UBASH3B: variants seen among roughly 807,000 people sequenced by gnomAD.
UBASH3B encodes the protein ubiquitin-associated and SH3 domain-containing protein B.
UBASH3B carries 37 observed loss-of-function variants against 83.4 expected under a neutral mutation model. The ratio of observed to expected loss-of-function variants is 0.44; its 90% CI spans 0.34 to 0.58. The LOEUF (loss-of-function observed/expected upper bound fraction) is 0.58, where lower values mean the gene tolerates loss of function less well. Ranked by LOEUF, UBASH3B falls within the 20% of genes least tolerant of loss-of-function variation. UBASH3B has a pLI of 0.01. For missense variants in UBASH3B, 657 were observed against 827.2 expected (o/e 0.79, Z 2.52); for synonymous variants, 304 against 318.3 (o/e 0.96, Z 0.48).
chr11:122,745,840 C>A (rs892849595), intron 1 of UBASH3B, among the ~76,000 whole-genome samples: 3 of 152,210 alleles, frequency 2.0e-5, no homozygotes, highest in Non-Finnish European at 4.4e-5. Context: ...CCTTCTGGGG[C>A]AGAGGTCATC....
intron 1 of UBASH3B, among the ~76,000 whole-genome samples, chr11:122,769,274 AAG>A (rs1437958007): frequency 6.6e-6 from 1 of 152,158 alleles, no homozygotes; most frequent in Non-Finnish European, 1.5e-5. Context: ...CGTGAAAACA[AAG>A]AGTGAGAACT....
chr11:122,740,072 A>G, intron 1 of UBASH3B, among the ~76,000 whole-genome samples: 1 of 152,018 alleles, frequency 6.6e-6, no homozygotes, highest in East Asian at 1.9e-4. Flanking sequence ...CCATTTTGTC[A>G]TATTCATTTA....
Position 122,788,707 on chromosome 11 carries a change from T to C in UBASH3B, c.772-393T>C, listed in dbSNP as rs531232541. ...CCCCGTATGGAAGACTGGCTTTCCA[T>C]GAGCTGGGTTTCAGGTGTCTATCAT... On this transcript the variant is annotated intron_variant, in intron 5 of 13. Transcript: ENST00000284273. Among the ~76,000 whole-genome samples, 159 of 152,240 alleles carry C rather than the reference T, an allele frequency of 1.0e-3. 1 individual carries two copies. The highest frequency in any genetic ancestry group is 9.7e-4 in the Non-Finnish European group (66 of 68,012).
chr11:122,723,178 A>T (rs1031405651), intron 1 of UBASH3B, among the ~76,000 whole-genome samples: 3 of 150,834 alleles, frequency 2.0e-5, no homozygotes, highest in African/African-American at 4.9e-5. Flanking sequence ...ATCTGTAATT[A>T]AAAAAAAAAT....
chr11:122,696,736 G>C (rs577043499), intron 1 of UBASH3B, among the ~76,000 whole-genome samples: 1 of 152,342 alleles, frequency 6.6e-6, no homozygotes, highest in African/African-American at 2.4e-5. Flanking sequence ...CATCAGAGCA[G>C]AATTGCAGGT....
chr11:122,794,817 A>T lies in UBASH3B; in HGVS notation c.1096A>T (p.Ile366Phe), dbSNP rs1174153714. The change falls in exon 7 of 14, where the codon ATC becomes TTC. Residue 366 changes from isoleucine to phenylalanine, a missense_variant. Ile to Phe is a conservative substitution (Grantham distance 21). Coordinates refer to ENST00000284273, the MANE Select transcript of UBASH3B (RefSeq NM_032873.5). ...GLGETTPLTIICQPMQPLRVN... is the reference protein window; with the variant it reads ...GLGETTPLTIFCQPMQPLRVN... ...CGGGGAGACGACTCCTCTTACTATCATCTGCCAGCCCATGCAGGTAAGGCT... is the reference window on the plus strand; with the variant it reads ...CGGGGAGACGACTCCTCTTACTATCTTCTGCCAGCCCATGCAGGTAAGGCT... 6.2e-7 allele frequency: 1 copy of T among 1,613,718 alleles called. No homozygotes were observed. The highest frequency in any genetic ancestry group is 1.3e-5 in the African/African-American group (1 of 74,910).
intron 4 of UBASH3B, among the ~76,000 whole-genome samples, chr11:122,781,723 G>A (rs576888966): frequency 1.3e-5 from 2 of 152,356 alleles, no homozygotes; most frequent in South Asian, 4.1e-4. Flanking sequence ...GTTGTTGGCA[G>A]GACCAGATAT....
intron 1 of UBASH3B, among the ~76,000 whole-genome samples, chr11:122,702,248 T>C (rs1164143861): frequency 1.3e-5 from 2 of 152,244 alleles, no homozygotes; most frequent in South Asian, 2.1e-4. Flanking sequence ...AAGTCCAACA[T>C]AGTTACGTGC....
At chr11:122,768,466 A>ATGTG (rs1555144490) in intron 1 of UBASH3B, among the ~76,000 whole-genome samples, 49 of 129,036 alleles carry the variant, frequency 3.8e-4, no homozygotes, top group African/African-American at 1.7e-3. Context: ...AGAGATATAT[A>ATGTG]TGTATGTGTG....
chr11:122,799,116 T>C, intron 10 of UBASH3B, 82 bp downstream of exon 10: 2 of 1,159,384 alleles, frequency 1.7e-6, no homozygotes, highest in Admixed American at 3.9e-5. Context: ...CTTAGAGCCA[T>C]GGGACATTTG....
chr11:122,726,396 C>T (rs1201693183), intron 1 of UBASH3B: 4 of 140,778 alleles, frequency 2.8e-5, no homozygotes, highest in African/African-American at 7.9e-5. Context: ...ATCACCCAGG[C>T]TAGAGTGCAG....
chr11:122,776,939 A>G, intron 2 of UBASH3B, 85 bp from the exon 3 acceptor site: 3 of 1,315,488 alleles, frequency 2.3e-6, no homozygotes, highest in East Asian at 2.5e-5. Flanking sequence ...TTTGGAGCAC[A>G]TGGAGGGTGG....
chr11:122,719,779 C>G (rs1345330505), intron 1 of UBASH3B, among the ~76,000 whole-genome samples: 1 of 152,190 alleles, frequency 6.6e-6, no homozygotes, highest in Non-Finnish European at 1.5e-5. Context: ...ACACTGCCCC[C>G]CAAAGCTGCT....
chr11:122,784,143 T>A (rs1192830120), intron 5 of UBASH3B, among the ~76,000 whole-genome samples: 1 of 152,094 alleles, frequency 6.6e-6, no homozygotes, highest in African/African-American at 2.4e-5. Flanking sequence ...GGTTTCACTG[T>A]GTTGGCCAGA....
intron 1 of UBASH3B, among the ~76,000 whole-genome samples, chr11:122,745,045 G>A (rs34413537): frequency 0.3 from 45,545 of 151,806 alleles, 6,842 homozygotes; most frequent in Middle Eastern, 0.37. Context: ...CAGGGAGCCC[G>A]TCTGCCTGAG....
intron 1 of UBASH3B, among the ~76,000 whole-genome samples, chr11:122,767,528 G>A (rs576842059): frequency 3.4e-4 from 51 of 152,208 alleles, no homozygotes; most frequent in African/African-American, 1.2e-3. Flanking sequence ...GGCCAGGATG[G>A]TCTCGATCTC....
At chr11:122,743,112 A>G (rs1861054031) in intron 1 of UBASH3B, among the ~76,000 whole-genome samples, 1 of 152,158 alleles carries the variant, frequency 6.6e-6, no homozygotes, top group Non-Finnish European at 1.5e-5. Flanking sequence ...GTTCTGAGGT[A>G]CCTGAAGAGC....
chr11:122,782,941 G>A (rs368484039), intron 4 of UBASH3B, 112 bp from the exon 5 acceptor site: 1 of 1,300,230 alleles, frequency 7.7e-7, no homozygotes, highest in Non-Finnish European at 1.1e-6. Flanking sequence ...TGTCTTCTTT[G>A]TTATGTGGGA....
Position 122,779,549 on chromosome 11 carries a change from G to A in UBASH3B, c.455G>A (p.Ser152Asn), listed in dbSNP as rs1860811169. ...GGGGAAGCCCTGCAGACCACGGTCA[G>A]TCGCTGGAAATGTAAGTTCTCGGCC... ...ALGEALQTTV[S>N]RWKCKFSAPL... The change falls in exon 4 of 14, where the codon AGT becomes AAT. Residue 152 changes from serine (S) to asparagine (N), a missense_variant. Around this residue, in one of 3 missense-constraint regions of UBASH3B, gnomAD observed 573 missense variants for 739.0 expected, o/e 0.78. Coordinates refer to ENST00000284273, the MANE Select transcript of UBASH3B (RefSeq NM_032873.5). The A allele has an allele frequency of 6.2e-7, 1 of 1,614,046 alleles. No individual in the cohort carries two copies. The highest frequency in any genetic ancestry group is 1.3e-5 in the African/African-American group (1 of 74,928).
Sources: allele counts gnomAD v4.1 joint callset (sites outside exome capture counted in the v4.1 genomes callset), GRCh38; gene constraint gnomAD v4.1.1; regional missense constraint gnomAD v4.1.1; transcripts MANE v1.5; gene names NCBI Gene and HGNC (gene_info 2026-07-23, HGNC 2026-07-21).